TPTE: variants seen among roughly 807,000 people sequenced by gnomAD.
TPTE encodes transmembrane phosphatase with tensin homology, also known as putative tyrosine-protein phosphatase TPTE.
Under a neutral mutation model 84.1 loss-of-function variants are expected in TPTE, and 59 were observed. The ratio of observed to expected loss-of-function variants is 0.70; its 90% CI spans 0.57 to 0.87. The LOEUF (loss-of-function observed/expected upper bound fraction) is 0.87, where lower values mean the gene tolerates loss of function less well. TPTE is among the 40% of genes least tolerant of loss of function. TPTE has a pLI of 0.00. For missense variants in TPTE, 382 were observed against 659.6 expected (o/e 0.58, Z 4.61); for synonymous variants, 130 against 223.5 (o/e 0.58, Z 3.73).
intron 3 of TPTE, among the ~76,000 whole-genome samples, chr21:10,532,992 CTTCT>C (rs1340614258): frequency 6.6e-6 from 1 of 152,290 alleles, no homozygotes; most frequent in Admixed American, 6.5e-5. Context: ...TGATATATTT[CTTCT>C]TTCTTGAATT....
At chr21:10,524,038 G>T (rs368583049) in intron 1 of TPTE, among the ~76,000 whole-genome samples, 12 of 152,422 alleles carry the variant, frequency 7.9e-5, no homozygotes, top group African/African-American at 2.4e-4. Flanking sequence ...GGCCAAGCTC[G>T]TTCTATTCCC....
chr21:10,532,487 C>T (rs1375312528), intron 3 of TPTE, among the ~76,000 whole-genome samples: 1 of 152,302 alleles, frequency 6.6e-6, no homozygotes, highest in Non-Finnish European at 1.5e-5. Context: ...TTTTTCTTCT[C>T]CAGTTCAGTG....
At chr21:10,590,829 A>G (rs1289078520) in intron 18 of TPTE, among the ~76,000 whole-genome samples, 68 of 152,188 alleles carry the variant, frequency 4.5e-4, no homozygotes, top group Non-Finnish European at 7.2e-4. Flanking sequence ...AATAAAAATT[A>G]ATGCAAAAAA....
At chr21:10,531,130 A>G (rs545681370) in intron 3 of TPTE, among the ~76,000 whole-genome samples, 1 of 152,426 alleles carries the variant, frequency 6.6e-6, no homozygotes, top group South Asian at 2.1e-4. Context: ...TAAACAATAT[A>G]GCAAGAATTC....
At chr21:10,548,133 C>T (rs1192775658) in intron 7 of TPTE, among the ~76,000 whole-genome samples, 1 of 152,308 alleles carries the variant, frequency 6.6e-6, no homozygotes, top group East Asian at 1.9e-4. Flanking sequence ...GGCCTTGCAC[C>T]TGTATCTCAG....
At chr21:10,558,073 A>G (rs2074717993) in intron 8 of TPTE, among the ~76,000 whole-genome samples, 1 of 152,310 alleles carries the variant, frequency 6.6e-6, no homozygotes, top group Non-Finnish European at 1.5e-5. Flanking sequence ...GTTCCCACAA[A>G]ATACATGATC....
chr21:10,528,272 A>G (rs1418402315), intron 3 of TPTE, among the ~76,000 whole-genome samples: 6 of 152,304 alleles, frequency 3.9e-5, no homozygotes, highest in Non-Finnish European at 8.8e-5. Context: ...ACTGACTCCA[A>G]TGAATTGACA....
intron 21 of TPTE, among the ~76,000 whole-genome samples, chr21:10,601,009 T>G (rs1978421669): frequency 6.6e-6 from 1 of 152,312 alleles, no homozygotes; most frequent in African/African-American, 2.4e-5. Context: ...TTGTTATTTT[T>G]TAAATTCAGA....
At chr21:10,525,301 C>T (rs868567550) in intron 2 of TPTE, among the ~76,000 whole-genome samples, 8 of 152,300 alleles carry the variant, frequency 5.3e-5, no homozygotes, top group South Asian at 2.1e-4. Context: ...GACAGCCCAC[C>T]CTTGCATAAA....
chr21:10,567,050 G>T (rs1217670225), intron 10 of TPTE, among the ~76,000 whole-genome samples: 3 of 145,842 alleles, frequency 2.1e-5, no homozygotes, highest in African/African-American at 7.6e-5. Flanking sequence ...TTTGTTAAGT[G>T]AAATAAGCCA....
At chr21:10,584,529 G>T (rs2075328033) in intron 17 of TPTE, among the ~76,000 whole-genome samples, 2 of 152,302 alleles carry the variant, frequency 1.3e-5, no homozygotes, top group Admixed American at 1.3e-4. Context: ...TGTAGAGATG[G>T]GGTTTCGCTA....
At chr21:10,532,463 ATCT>A in intron 3 of TPTE, among the ~76,000 whole-genome samples, 1 of 152,426 alleles carries the variant, frequency 6.6e-6, no homozygotes, top group African/African-American at 2.4e-5. Context: ...TGTTTTGTTA[ATCT>A]TCTCCACGGT....
intron 2 of TPTE, among the ~76,000 whole-genome samples, chr21:10,525,496 T>TTA (rs1190364380): frequency 6.6e-6 from 1 of 152,310 alleles, no homozygotes; most frequent in Non-Finnish European, 1.5e-5. Flanking sequence ...TTACAGAAGC[T>TTA]TATATACTGT....
chr21:10,525,888 C>G (rs1028778406), intron 2 of TPTE, among the ~76,000 whole-genome samples: 2 of 152,308 alleles, frequency 1.3e-5, no homozygotes, highest in Admixed American at 1.3e-4. Flanking sequence ...ATTAGTTTCC[C>G]AAGGAACTTG....
chr21:10,549,955 A>G (rs1466020996), intron 7 of TPTE, among the ~76,000 whole-genome samples: 1 of 152,312 alleles, frequency 6.6e-6, no homozygotes, highest in African/African-American at 2.4e-5. Context: ...TCCCCATTAG[A>G]CTAACAGCTG....
chr21:10,566,935 C>T (rs1440035145), intron 10 of TPTE, among the ~76,000 whole-genome samples: 2 of 151,922 alleles, frequency 1.3e-5, no homozygotes, highest in African/African-American at 2.4e-5. Context: ...CGAGATCACG[C>T]CATTGCACTC....
At chr21:10,563,268 T>C (rs1184853764) in intron 10 of TPTE, among the ~76,000 whole-genome samples, 1 of 152,306 alleles carries the variant, frequency 6.6e-6, no homozygotes, top group African/African-American at 2.4e-5. Flanking sequence ...AGTATTTCAA[T>C]CAGAAAGATA....
At chr21:10,599,855 C>CT in intron 21 of TPTE, among the ~76,000 whole-genome samples, 1 of 152,200 alleles carries the variant, frequency 6.6e-6, no homozygotes, top group Non-Finnish European at 1.5e-5. Flanking sequence ...TCCTTTCTTC[C>CT]TTTCCTTTTT....
At position 10,569,530 on chromosome 21, in the gene TPTE, AAG is replaced by A. The variant is rs2074998536; in HGVS notation, c.661_662del (p.Arg221AlafsTer15). ...QKRQLEKLIR[R>X]RVSENKRRYT... ...AAAGACAACTTGAAAAGCTGATAAG[AAG>A]GCGGGTAAGTGGGCAAAACATGCTT... is the stretch of plus-strand genomic sequence containing the variant. On this transcript the variant is annotated frameshift_variant, in exon 12 of 24. Coordinates refer to ENST00000618007, the MANE Select transcript of TPTE (RefSeq NM_199261.4). LOFTEE classifies it high-confidence loss of function. 319 of 1,499,726 alleles carry A rather than the reference AAG, an allele frequency of 2.1e-4. No homozygotes were observed. In the African/African-American group the frequency reaches 6.8e-3, roughly 32 times the overall value. 92.9% of individuals were successfully genotyped at this position (1,499,726 alleles called of 1,614,324 possible). A position where few individuals can be genotyped will look rare whatever the true frequency, so the allele number is the denominator to read the frequency against.
Sources: allele counts gnomAD v4.1 joint callset (sites outside exome capture counted in the v4.1 genomes callset), GRCh38; gene constraint gnomAD v4.1.1; transcripts MANE v1.5; gene names NCBI Gene and HGNC (gene_info 2026-07-23, HGNC 2026-07-21).